Variants in WDR49 observed in about 807,000 individuals in gnomAD.
The protein encoded by WDR49 is WD repeat domain 49.
A neutral mutation model predicts 119.5 loss-of-function variants in WDR49; 107 were observed. The ratio of observed to expected loss-of-function variants is 0.90; its 90% CI spans 0.77 to 1.05. The LOEUF is 1.05. Ranked by LOEUF, WDR49 falls within the 50% of genes least tolerant of loss-of-function variation. WDR49 has a pLI of 0.00. For missense variants in WDR49, 1,240 were observed against 1,220.5 expected (o/e 1.02, Z -0.24); for synonymous variants, 425 against 418.8 (o/e 1.01, Z -0.18).
chr3:167,640,393 T>A (rs946658915), intron 2 of WDR49, among the ~76,000 whole-genome samples: 1 of 151,896 alleles, frequency 6.6e-6, no homozygotes, highest in Non-Finnish European at 1.5e-5. Context: ...TACTGTCTCA[T>A]CCTTCTTTCA....
intron 10 of WDR49, 26 bp from the exon 11 acceptor site, chr3:167,537,026 C>T (rs758361335): frequency 1.3e-6 from 2 of 1,547,138 alleles, no homozygotes; most frequent in Non-Finnish European, 1.7e-6. Flanking sequence ...TAGAATTTAG[C>T]TGTGGATCTA....
intron 16 of WDR49, among the ~76,000 whole-genome samples, chr3:167,516,826 G>A (rs1335897384): frequency 6.6e-6 from 1 of 152,084 alleles, no homozygotes; most frequent in Non-Finnish European, 1.5e-5. Context: ...ATCTGACAAA[G>A]GGCTAATATC....
chr3:167,621,081 C>G (rs1055991486), intron 4 of WDR49, among the ~76,000 whole-genome samples: 2 of 152,040 alleles, frequency 1.3e-5, no homozygotes, highest in African/African-American at 4.8e-5. Context: ...AAACCCAATA[C>G]TCTATGTAGG....
At chr3:167,549,405 T>G (rs1011553121) in intron 10 of WDR49, among the ~76,000 whole-genome samples, 1 of 152,218 alleles carries the variant, frequency 6.6e-6, no homozygotes, top group Non-Finnish European at 1.5e-5. Flanking sequence ...TGAGATGGTA[T>G]CTCATTGTGG....
At chr3:167,559,551 A>G (rs778841191) in intron 9 of WDR49, among the ~76,000 whole-genome samples, 5 of 152,236 alleles carry the variant, frequency 3.3e-5, no homozygotes, top group Non-Finnish European at 5.9e-5. Context: ...TTTAGAATGG[A>G]TAAGATTATG....
At chr3:167,537,513 C>A (rs1429498863) in intron 10 of WDR49, among the ~76,000 whole-genome samples, 2 of 152,070 alleles carry the variant, frequency 1.3e-5, no homozygotes, top group African/African-American at 4.8e-5. Context: ...TCTACAGCAT[C>A]TTGAAGAACT....
chr3:167,529,345 G>GT, intron 13 of WDR49, 106 bp from the exon 14 acceptor site: 1 of 989,760 alleles, frequency 1.0e-6, no homozygotes, highest in Non-Finnish European at 1.5e-6. Context: ...GAAGAGGTGA[G>GT]TAGCCCTGAG....
chr3:167,598,699 C>T (rs1437890033), intron 7 of WDR49, among the ~76,000 whole-genome samples: 1 of 152,158 alleles, frequency 6.6e-6, no homozygotes, highest in African/African-American at 2.4e-5. Context: ...TCTCATAGTT[C>T]TTTGTAGCAG....
At chr3:167,482,957 C>G (rs1404498831) in intron 18 of WDR49, among the ~76,000 whole-genome samples, 1 of 151,770 alleles carries the variant, frequency 6.6e-6, no homozygotes, top group Admixed American at 6.6e-5. Context: ...GCAGTATAAG[C>G]AAATTTAACA....
chr3:167,646,881 A>C (rs1220953983), intron 2 of WDR49, among the ~76,000 whole-genome samples: 1 of 152,122 alleles, frequency 6.6e-6, no homozygotes, highest in African/African-American at 2.4e-5. Context: ...GACATGATGA[A>C]GGGAGAAAAG....
intron 15 of WDR49, among the ~76,000 whole-genome samples, chr3:167,524,589 A>G (rs1752569374): frequency 1.3e-5 from 2 of 152,214 alleles, no homozygotes; most frequent in South Asian, 2.1e-4. Context: ...TGTATAAGGT[A>G]TAAGAAAGGG....
chr3:167,614,927 G>C lies in WDR49; in HGVS notation c.958+5502C>G, dbSNP rs147110755. Among the ~76,000 whole-genome samples the C allele has an allele frequency of 2.8e-3, 428 of 152,294 alleles. 3 individuals are homozygous for C. The highest frequency in any genetic ancestry group is 1.0e-2 in the African/African-American group (415 of 41,554). Reference sequence around the variant, plus strand: ...AGTCATTGGTTGCTTGCTCCTGATAGAGCAAGTCTTGCAGACAAAGGAACA... The same window carrying C: ...AGTCATTGGTTGCTTGCTCCTGATACAGCAAGTCTTGCAGACAAAGGAACA... On this transcript the variant is annotated intron_variant, in intron 5 of 18. Coordinates refer to ENST00000682715, the MANE Select transcript of WDR49 (RefSeq NM_001366157.1).
At chr3:167,527,119 G>C (rs79437217) in intron 15 of WDR49, among the ~76,000 whole-genome samples, 3,294 of 152,174 alleles carry the variant, frequency 0.022, 38 homozygotes, top group Non-Finnish European at 0.033. Context: ...CTTGAGAAAG[G>C]GGTTAAAAAT....
intron 2 of WDR49, among the ~76,000 whole-genome samples, chr3:167,630,492 C>T (rs187357477): frequency 1.3e-5 from 2 of 152,174 alleles, no homozygotes; most frequent in East Asian, 1.9e-4. Context: ...ACCAAATCCG[C>T]AATATCTCCG....
At chr3:167,642,729 T>C (rs993412453) in intron 2 of WDR49, among the ~76,000 whole-genome samples, 1 of 151,914 alleles carries the variant, frequency 6.6e-6, no homozygotes, top group Non-Finnish European at 1.5e-5. Flanking sequence ...CCTGGAGAAA[T>C]GGCTGGTTCC....
chr3:167,523,653 T>G (rs1243750075), intron 15 of WDR49, among the ~76,000 whole-genome samples: 1 of 152,176 alleles, frequency 6.6e-6, no homozygotes, highest in Non-Finnish European at 1.5e-5. Flanking sequence ...GGTGTTTGGT[T>G]TTCTGTTCCT....
intron 7 of WDR49, among the ~76,000 whole-genome samples, chr3:167,592,437 C>CTTTTTTTTTTTT (rs372398450): frequency 9.0e-5 from 12 of 133,334 alleles, no homozygotes; most frequent in East Asian, 2.1e-4. Context: ...TTTTCTTTTT[C>CTTTTTTTTTTTT]TTTTTTTTTT....
At chr3:167,504,266 T>C (rs1218748981) in intron 17 of WDR49, among the ~76,000 whole-genome samples, 1 of 152,148 alleles carries the variant, frequency 6.6e-6, no homozygotes, top group Non-Finnish European at 1.5e-5. Flanking sequence ...CTCTAACCCA[T>C]GAGAACAACC....
chr3:167,493,307 A>T (rs1211749331), intron 18 of WDR49, among the ~76,000 whole-genome samples: 1 of 152,162 alleles, frequency 6.6e-6, no homozygotes, highest in Non-Finnish European at 1.5e-5. Flanking sequence ...CACCTATCTG[A>T]TACCACTCCA....
Sources: allele counts gnomAD v4.1 joint callset (sites outside exome capture counted in the v4.1 genomes callset), GRCh38; gene constraint gnomAD v4.1.1; transcripts MANE v1.5; gene names NCBI Gene and HGNC (gene_info 2026-07-23, HGNC 2026-07-21).